The following KSR1 variants were observed in gnomAD, a reference collection of about 807,000 sequenced individuals.
KSR1 encodes the protein kinase suppressor of ras 1, also known as kinase suppressor of ras.
Under a neutral mutation model 92.9 loss-of-function variants are expected in KSR1, and 35 were observed. The ratio of observed to expected loss-of-function variants is 0.38; its 90% CI spans 0.29 to 0.50. KSR1 has a LOEUF of 0.50. Among genes scored for constraint, KSR1 ranks in the 20% least tolerant of loss-of-function variants. KSR1 has a pLI of 0.94. For synonymous variants in KSR1, 467 were observed against 472.6 expected (o/e 0.99, Z 0.15); for missense variants, 972 against 1,158.5 (o/e 0.84, Z 2.34).
chr17:27,507,554 ATTG>A (rs979267209), intron 1 of KSR1, among the ~76,000 whole-genome samples: 9 of 60,934 alleles, frequency 1.5e-4, no homozygotes, highest in African/African-American at 4.8e-4. Context: ...TAAAATCTTT[ATTG>A]TTTGGCTTTT....
chr17:27,600,891 C>G (rs1181211134), intron 10 of KSR1, among the ~76,000 whole-genome samples: 5 of 152,176 alleles, frequency 3.3e-5, no homozygotes, highest in African/African-American at 4.8e-5. Context: ...TCCAGAACCC[C>G]AGTGTATCCT....
At chr17:27,611,932 C>G (rs541657973) in intron 18 of KSR1, among the ~76,000 whole-genome samples, 1 of 152,104 alleles carries the variant, frequency 6.6e-6, no homozygotes, top group South Asian at 2.1e-4. Flanking sequence ...AGTAAAGCCC[C>G]ATGTTATTTA....
intron 2 of KSR1, among the ~76,000 whole-genome samples, chr17:27,572,186 T>C (rs1208326351): frequency 6.6e-6 from 1 of 152,196 alleles, no homozygotes; most frequent in Non-Finnish European, 1.5e-5. Context: ...AAGAATAACT[T>C]AATCCCACCT....
At chr17:27,605,938 A>G (rs777456093) in intron 14 of KSR1, 125 bp downstream of exon 14, 28 of 1,179,192 alleles carry the variant, frequency 2.4e-5, no homozygotes, top group Non-Finnish European at 3.3e-5. Context: ...AAGAAAACCA[A>G]AAATGGGGTA....
At chr17:27,516,248 G>T (rs2069789180) in intron 1 of KSR1, among the ~76,000 whole-genome samples, 1 of 152,160 alleles carries the variant, frequency 6.6e-6, no homozygotes, top group South Asian at 2.1e-4. Context: ...TAAGAAATGA[G>T]GATGAGTTAA....
At chr17:27,536,573 C>T (rs1005404384) in intron 1 of KSR1, among the ~76,000 whole-genome samples, 4 of 152,218 alleles carry the variant, frequency 2.6e-5, no homozygotes, top group Admixed American at 6.5e-5. Flanking sequence ...AATCTGATCA[C>T]GTTTTTCCCT....
At chr17:27,462,560 C>T (rs1467095089) in intron 1 of KSR1, among the ~76,000 whole-genome samples, 4 of 152,234 alleles carry the variant, frequency 2.6e-5, no homozygotes, top group Non-Finnish European at 5.9e-5. Flanking sequence ...CTACGCTTGT[C>T]TCATTCTGAG....
At chr17:27,492,016 G>A (rs1227880820) in intron 1 of KSR1, among the ~76,000 whole-genome samples, 1 of 152,174 alleles carries the variant, frequency 6.6e-6, no homozygotes, top group Non-Finnish European at 1.5e-5. Flanking sequence ...CCTCCACCAA[G>A]GCTGTGGGAT....
chr17:27,603,933 A>G (rs1198623642), intron 12 of KSR1, 45 bp downstream of exon 12: 2 of 1,593,720 alleles, frequency 1.3e-6, no homozygotes, highest in Admixed American at 1.7e-5. Context: ...TTGGGGAATT[A>G]TTAAGGCTGG....
intron 1 of KSR1, among the ~76,000 whole-genome samples, chr17:27,548,112 C>A (rs1308525679): frequency 6.6e-6 from 1 of 151,386 alleles, no homozygotes; most frequent in African/African-American, 2.4e-5. Flanking sequence ...AAGTATTGTT[C>A]TGTCCAGGTG....
chr17:27,469,717 T>TA (rs1325694535), intron 1 of KSR1, among the ~76,000 whole-genome samples: 47 of 152,160 alleles, frequency 3.1e-4, no homozygotes, highest in African/African-American at 1.0e-3. Context: ...GCCTTTCACG[T>TA]AGCATTACTC....
At chr17:27,527,489 G>A (rs898663129) in intron 1 of KSR1, among the ~76,000 whole-genome samples, 3 of 119,716 alleles carry the variant, frequency 2.5e-5, no homozygotes, top group East Asian at 4.6e-4. Context: ...TGCAACCTCC[G>A]CCTCCTGGCG....
intron 1 of KSR1, among the ~76,000 whole-genome samples, chr17:27,548,558 G>A (rs1470338385): frequency 6.6e-6 from 1 of 151,942 alleles, no homozygotes; most frequent in African/African-American, 2.4e-5. Context: ...CTCCGAAAGT[G>A]CTGGCTCATG....
chr17:27,482,304 A>G (rs2068535615), intron 1 of KSR1, among the ~76,000 whole-genome samples: 1 of 152,194 alleles, frequency 6.6e-6, no homozygotes, highest in Non-Finnish European at 1.5e-5. Context: ...TTGCAGGAGC[A>G]GGGATTCACT....
chr17:27,458,252 T>A (rs2019274249), intron 1 of KSR1, among the ~76,000 whole-genome samples: 1 of 152,182 alleles, frequency 6.6e-6, no homozygotes, highest in Non-Finnish European at 1.5e-5. Context: ...AGAAACTGAT[T>A]TTTTGAACAC....
In KSR1 at chr17:27,564,341, G is replaced by A. The variant is rs77953356; in HGVS notation, c.373-13151G>A. On this transcript the variant is annotated intron_variant, in intron 2 of 20. Transcript: ENST00000644974. ...GGGATGGATAGATGGACAAATGGAA[G>A]AATGACATGGCACCAGGGCTCATAG... Among the ~76,000 whole-genome samples, 906 of 152,308 alleles carry A rather than the reference G, an allele frequency of 5.9e-3. 6 individuals are homozygous for A. The highest frequency in any genetic ancestry group is 0.011 in the Admixed American group (169 of 15,296).
At chr17:27,576,385 A>G (rs1028467252) in intron 2 of KSR1, among the ~76,000 whole-genome samples, 1 of 152,224 alleles carries the variant, frequency 6.6e-6, no homozygotes, top group Admixed American at 6.5e-5. Flanking sequence ...AGTTGGGCAC[A>G]GTAAGAGATT....
In KSR1 at chr17:27,607,724, T is replaced by C. The variant is rs763609534; in HGVS notation, c.1995-190T>C. ...GTGTGCGTGTACGTGTGTGGTGTCATGTGTTTCTGCACGTTCAGGCCAGGC... is the reference window on the plus strand; with the variant it reads ...GTGTGCGTGTACGTGTGTGGTGTCACGTGTTTCTGCACGTTCAGGCCAGGC... On this transcript the variant is annotated intron_variant, in intron 14 of 20. Coordinates refer to ENST00000644974, the MANE Select transcript of KSR1 (RefSeq NM_001394583.1). 4.9e-4 allele frequency among the ~76,000 whole-genome samples: 75 copies of C among 152,254 alleles called. 1 individual carries two copies. The highest frequency in any genetic ancestry group is 7.5e-4 in the Non-Finnish European group (51 of 68,024).
intron 12 of KSR1, 44 bp downstream of exon 12, chr17:27,603,932 T>TA: frequency 6.3e-7 from 1 of 1,595,222 alleles, no homozygotes; most frequent in East Asian, 2.2e-5. Context: ...TTTGGGGAAT[T>TA]ATTAAGGCTG....
Sources: allele counts gnomAD v4.1 joint callset (sites outside exome capture counted in the v4.1 genomes callset), GRCh38; gene constraint gnomAD v4.1.1; transcripts MANE v1.5; gene names NCBI Gene and HGNC (gene_info 2026-07-23, HGNC 2026-07-21).